The following SMARCA2 variants were observed in gnomAD, a reference collection of about 807,000 sequenced individuals.
SMARCA2 encodes SWI/SNF-related matrix-associated actin-dependent regulator of chromatin subfamily A member 2.
SMARCA2 carries 61 observed loss-of-function variants against 199.8 expected under a neutral mutation model. The ratio of observed to expected loss-of-function variants is 0.31; its 90% CI spans 0.25 to 0.38. SMARCA2 has a LOEUF of 0.38. SMARCA2 is among the 10% of genes least tolerant of loss of function. The pLI is 1.00. For synonymous variants in SMARCA2, 935 were observed against 732.0 expected (o/e 1.28, Z -4.48); for missense variants, 1,344 against 2,012.2 (o/e 0.67, Z 6.35).
chr9:2,159,752 A>C (rs769309520), intron 27 of SMARCA2: 51 of 1,544,850 alleles, frequency 3.3e-5, no homozygotes, highest in Non-Finnish European at 4.3e-5. Context: ...TTTTCAGTAA[A>C]ATAAAATTAC....
chr9:2,100,570 G>A (rs1208298207), intron 21 of SMARCA2, among the ~76,000 whole-genome samples: 1 of 152,014 alleles, frequency 6.6e-6, no homozygotes, highest in African/African-American at 2.4e-5. Flanking sequence ...AGGCATAGTG[G>A]CACATGCTGT....
intron 27 of SMARCA2, chr9:2,158,856 C>A: frequency 1.5e-6 from 2 of 1,317,686 alleles, no homozygotes; most frequent in Non-Finnish European, 1.0e-6. Flanking sequence ...TAGAAAAAGA[C>A]CCTTAGAAAT....
At chr9:2,187,866 G>T (rs1452415076) in intron 32 of SMARCA2, among the ~76,000 whole-genome samples, 1 of 152,162 alleles carries the variant, frequency 6.6e-6, no homozygotes, top group East Asian at 1.9e-4. Flanking sequence ...ATCACTTGAA[G>T]TCACCAGTTT....
At chr9:2,044,745 G>T (rs199769006) in intron 4 of SMARCA2, 2 of 152,196 alleles carry the variant, frequency 1.3e-5, no homozygotes, top group African/African-American at 4.8e-5. Context: ...AAGATACAGG[G>T]TGTTTAAAGG....
At chr9:2,064,950 C>A (rs566024708) in intron 9 of SMARCA2, among the ~76,000 whole-genome samples, 1 of 152,258 alleles carries the variant, frequency 6.6e-6, no homozygotes, top group East Asian at 1.9e-4. Context: ...TTTGGGAGGC[C>A]GAGGCGGGCG....
chr9:2,145,332 G>A (rs1019046968), intron 27 of SMARCA2, among the ~76,000 whole-genome samples: 1 of 147,794 alleles, frequency 6.8e-6, no homozygotes. Flanking sequence ...AAAAAAAAGA[G>A]AGAGAAACCC....
intron 28 of SMARCA2, among the ~76,000 whole-genome samples, chr9:2,165,441 A>G (rs1285795963): frequency 6.6e-5 from 10 of 152,180 alleles, no homozygotes; most frequent in Non-Finnish European, 1.3e-4. Flanking sequence ...CTGACCCTTA[A>G]GAGCCAGATA....
Position 2,086,765 on chromosome 9 carries a change from C to T in SMARCA2, c.2527-64C>T. The T allele has an allele frequency of 6.3e-7, 1 of 1,586,706 alleles. No homozygotes were observed. Among genetic ancestry groups the T allele is most frequent in the Non-Finnish European group, 8.6e-7 (1 of 1,162,812 alleles). Reference sequence around the variant, plus strand: ...CTTTGGTTTTCCGCACCACCACTTGCTTGTTGGAAATAGTTGTATTTTCCC... The same window carrying T: ...CTTTGGTTTTCCGCACCACCACTTGTTTGTTGGAAATAGTTGTATTTTCCC... On this transcript the variant is annotated intron_variant, in intron 17 of 33. Transcript: ENST00000349721. The surrounding 1 kb of genome is among the most constrained non-coding windows in gnomAD (Gnocchi z 4.3).
In SMARCA2 at chr9:2,115,893, C is replaced by G. The variant is rs753217386; in HGVS notation, c.3528C>G (p.Thr1176=). The G allele has an allele frequency of 6.8e-6, 11 of 1,614,028 alleles. No individual in the cohort carries two copies. The highest frequency in any genetic ancestry group is 1.1e-5 in the South Asian group (1 of 91,068). ...AGGTCCGGGTACTGAGGCTCTGTAC[C>G]GTGAACAGCGTGGAGGAAAAGATCC... ...QNEVRVLRLC[T]VNSVEEKILA... Residue 1176 remains threonine, a synonymous_variant, in exon 25 of 34, where the codon ACC becomes ACG. Coordinates refer to ENST00000349721, the MANE Select transcript of SMARCA2 (RefSeq NM_003070.5). This position sits in a 1 kb window ranked among gnomAD's most constrained non-coding sequence, Gnocchi z 6.0.
intron 27 of SMARCA2, 104 bp downstream of exon 27, chr9:2,124,041 C>T (rs1398178643): frequency 3.3e-5 from 28 of 849,278 alleles, no homozygotes; most frequent in Non-Finnish European, 5.5e-5. Context: ...GTTGAGTTCG[C>T]AATCAAAGGG....
At chr9:2,134,640 G>T (rs1824116069) in intron 27 of SMARCA2, among the ~76,000 whole-genome samples, 1 of 152,180 alleles carries the variant, frequency 6.6e-6, no homozygotes, top group African/African-American at 2.4e-5. Context: ...TCTTGGACAG[G>T]TCTCCTGACC....
At chr9:2,111,649 T>C (rs1383659064) in intron 24 of SMARCA2, among the ~76,000 whole-genome samples, 4 of 152,142 alleles carry the variant, frequency 2.6e-5, no homozygotes, top group Non-Finnish European at 4.4e-5. Context: ...GGCAGTGCCA[T>C]ATAGCGTCAC....
intron 21 of SMARCA2, among the ~76,000 whole-genome samples, chr9:2,101,099 G>T (rs1433391174): frequency 6.6e-6 from 1 of 152,098 alleles, no homozygotes; most frequent in Admixed American, 6.5e-5. Context: ...CACAACACAT[G>T]GGAATTATAG....
chr9:2,046,672 G>T (rs1402947552), intron 4 of SMARCA2, among the ~76,000 whole-genome samples: 1 of 152,094 alleles, frequency 6.6e-6, no homozygotes, highest in African/African-American at 2.4e-5. Flanking sequence ...TTGCGATAGA[G>T]GTCTGTCCTA....
chr9:2,182,289 CGTT>C, intron 31 of SMARCA2, 47 bp downstream of exon 31: 1 of 1,140,136 alleles, frequency 8.8e-7, no homozygotes, highest in Non-Finnish European at 1.3e-6. Context: ...TAAATGTGCC[CGTT>C]GTTCTTTTTA....
intron 22 of SMARCA2, among the ~76,000 whole-genome samples, chr9:2,102,497 G>A (rs1249783988): frequency 6.6e-6 from 1 of 152,140 alleles, no homozygotes; most frequent in Non-Finnish European, 1.5e-5. Context: ...TCAACTACCA[G>A]ATGAGACATT....
At chr9:2,133,952 G>T (rs1414915405) in intron 27 of SMARCA2, among the ~76,000 whole-genome samples, 1 of 152,144 alleles carries the variant, frequency 6.6e-6, no homozygotes, top group Non-Finnish European at 1.5e-5. Context: ...TGGGGACCTT[G>T]TGTCACCTCT....
At chr9:2,042,276 G>T (rs541129041) in intron 4 of SMARCA2, 2 of 152,290 alleles carry the variant, frequency 1.3e-5, no homozygotes, top group Admixed American at 6.5e-5. Context: ...TACATGAAAG[G>T]CTGATGGAGA....
chr9:2,159,842 T>A (rs1825571745), intron 27 of SMARCA2: 1 of 1,612,032 alleles, frequency 6.2e-7, no homozygotes, highest in Non-Finnish European at 8.5e-7. Flanking sequence ...GCTCGCTGCT[T>A]TGCTGGCTTG....
Sources: gnomAD v4.1 joint callset for allele counts (sites outside exome capture counted in the v4.1 genomes callset) on GRCh38, gnomAD v4.1.1 for gene constraint, Gnocchi (gnomAD v3.1) non-coding constraint, MANE v1.5 for transcripts, NCBI Gene and HGNC (gene_info 2026-07-23, HGNC 2026-07-21) for gene names.